The following MDGA2 variants were observed in gnomAD, a reference collection of about 807,000 sequenced individuals.
MDGA2 encodes the protein MAM domain containing glycosylphosphatidylinositol anchor 2.
MDGA2 carries 40 observed loss-of-function variants against 117.8 expected under a neutral mutation model. The observed-to-expected ratio is 0.34, with a 90% CI of 0.26 to 0.44. The LOEUF (loss-of-function observed/expected upper bound fraction) is 0.44, where lower values mean the gene tolerates loss of function less well. MDGA2 is among the 20% of genes least tolerant of loss of function. MDGA2 has a pLI of 1.00. For missense variants in MDGA2, 1,123 were observed against 1,250.6 expected (o/e 0.90, Z 1.54); for synonymous variants, 452 against 439.0 (o/e 1.03, Z -0.37).
At chr14:47,289,339 G>GCA (rs1888800679) in intron 2 of MDGA2, among the ~76,000 whole-genome samples, 15 of 68,196 alleles carry the variant, frequency 2.2e-4, no homozygotes, top group African/African-American at 3.9e-4. Flanking sequence ...ACACACACAC[G>GCA]CACACACTCT....
At chr14:47,529,148 G>T (rs1018240694) in intron 1 of MDGA2, among the ~76,000 whole-genome samples, 1 of 151,694 alleles carries the variant, frequency 6.6e-6, no homozygotes, top group Non-Finnish European at 1.5e-5. Flanking sequence ...ACAGATGCCC[G>T]CCACCACACC....
At chr14:46,907,132 A>G (rs749259893) in intron 10 of MDGA2, among the ~76,000 whole-genome samples, 11 of 151,716 alleles carry the variant, frequency 7.3e-5, no homozygotes, top group Non-Finnish European at 1.6e-4. Context: ...TCATGCCACC[A>G]TGCCTGGCTA....
intron 1 of MDGA2, among the ~76,000 whole-genome samples, chr14:47,469,751 C>T (rs1893682361): frequency 1.3e-5 from 2 of 152,088 alleles, no homozygotes; most frequent in Admixed American, 1.3e-4. Flanking sequence ...AATGGTTGAA[C>T]TAGTTTACAG....
intron 3 of MDGA2, among the ~76,000 whole-genome samples, chr14:47,175,456 C>T (rs1034239452): frequency 6.7e-6 from 1 of 148,918 alleles, no homozygotes; most frequent in Non-Finnish European, 1.5e-5. Flanking sequence ...CCACCATGAT[C>T]AAGTGGGCTT....
chr14:47,436,098 A>T (rs1288115554), intron 1 of MDGA2, among the ~76,000 whole-genome samples: 1 of 152,094 alleles, frequency 6.6e-6, no homozygotes, highest in African/African-American at 2.4e-5. Context: ...TAAAGTCCAT[A>T]GGTTATAGTT....
chr14:46,938,222 G>A (rs1014821197), intron 9 of MDGA2, among the ~76,000 whole-genome samples: 3 of 151,834 alleles, frequency 2.0e-5, no homozygotes, highest in African/African-American at 7.3e-5. Flanking sequence ...AATCATCAGG[G>A]AAATGCAAAT....
intron 1 of MDGA2, among the ~76,000 whole-genome samples, chr14:47,432,003 T>C (rs1438441404): frequency 6.6e-6 from 1 of 152,062 alleles, no homozygotes; most frequent in Non-Finnish European, 1.5e-5. Flanking sequence ...ATAGATAGCA[T>C]ATTATTTACA....
intron 1 of MDGA2, among the ~76,000 whole-genome samples, chr14:47,639,541 C>T (rs1353707505): frequency 6.6e-6 from 1 of 152,182 alleles, no homozygotes; most frequent in East Asian, 1.9e-4. Context: ...CAAAGCACTA[C>T]ACGTTGAATC....
intron 1 of MDGA2, among the ~76,000 whole-genome samples, chr14:47,519,600 C>T (rs1049411166): frequency 6.6e-6 from 1 of 152,080 alleles, no homozygotes; most frequent in Admixed American, 6.6e-5. Flanking sequence ...TAAATTCTCC[C>T]AAGTTTTTAT....
intron 8 of MDGA2, among the ~76,000 whole-genome samples, chr14:46,969,365 A>G (rs1595077627): frequency 6.6e-6 from 1 of 152,202 alleles, no homozygotes; most frequent in Non-Finnish European, 1.5e-5. Flanking sequence ...CAGTCCCACC[A>G]ACAGTGTAAA....
chr14:47,535,932 C>G (rs1046701462), intron 1 of MDGA2, among the ~76,000 whole-genome samples: 2 of 152,232 alleles, frequency 1.3e-5, no homozygotes, highest in Non-Finnish European at 2.9e-5. Flanking sequence ...GTCAGCTAGT[C>G]TTGCCTTCCA....
At position 46,910,926 on chromosome 14, in the gene MDGA2, A is replaced by T. The variant is rs574631275; in HGVS notation, c.2238+9086T>A. ...CCAAATACAGCATGTTCTCAGTTAT[A>T]ACTGGTAGCTAAATGATGTGAACAC... On this transcript the variant is annotated intron_variant, in intron 10 of 16. Coordinates refer to ENST00000399232, the MANE Select transcript of MDGA2 (RefSeq NM_001113498.3). Among the ~76,000 whole-genome samples the T allele has an allele frequency of 1.1e-4, 16 of 152,300 alleles. 1 individual carries two copies. The highest frequency in any genetic ancestry group is 3.6e-4 in the African/African-American group (15 of 41,570).
intron 1 of MDGA2, among the ~76,000 whole-genome samples, chr14:47,530,919 C>T (rs528939816): frequency 6.6e-6 from 1 of 152,252 alleles, no homozygotes; most frequent in African/African-American, 2.4e-5. Context: ...GTAATCTGCA[C>T]ACCTTTAAGT....
chr14:47,595,355 C>T (rs906438038), intron 1 of MDGA2, among the ~76,000 whole-genome samples: 1 of 151,514 alleles, frequency 6.6e-6, no homozygotes, highest in African/African-American at 2.4e-5. Context: ...GCCAATTTGG[C>T]GAAACCCCTT....
intron 1 of MDGA2, among the ~76,000 whole-genome samples, chr14:47,343,836 A>G (rs1423426045): frequency 6.6e-6 from 1 of 152,162 alleles, no homozygotes; most frequent in Non-Finnish European, 1.5e-5. Flanking sequence ...TAAAAAAAGA[A>G]AACAGTTAAG....
At chr14:47,149,685 A>T (rs1433334055) in intron 3 of MDGA2, among the ~76,000 whole-genome samples, 1 of 152,190 alleles carries the variant, frequency 6.6e-6, no homozygotes, top group Non-Finnish European at 1.5e-5. Context: ...TATTTAGTGG[A>T]GACCATTGCT....
At chr14:47,057,713 T>TTGCCCTGCCCTACCTTGCCC in intron 7 of MDGA2, among the ~76,000 whole-genome samples, 2 of 132,258 alleles carry the variant, frequency 1.5e-5, no homozygotes, top group South Asian at 5.5e-4. Context: ...TTGCCTTACC[T>TTGCCCTGCCCTACCTTGCCC]TGCCCTGCCC....
In MDGA2 at chr14:47,295,937, GATA is replaced by G. The variant is rs1296978957; in HGVS notation, c.420+5471_420+5473del. 6.5e-5 allele frequency among the ~76,000 whole-genome samples: 9 copies of G among 138,248 alleles called. No individual in the cohort carries two copies. The East Asian group carries it at 2.0e-3, about 31-fold the overall frequency. The allele number at this position is 138,248 out of a possible 152,430, so 90.7% of individuals were successfully genotyped here. On this transcript the variant is annotated intron_variant, in intron 2 of 16. Transcript: ENST00000399232. ...ACATATATAGATAGATGATAAGATA[GATA>G]GATAGATAGATAGATAGATAGATAG...
intron 9 of MDGA2, among the ~76,000 whole-genome samples, chr14:46,924,991 G>A (rs2138526010): frequency 2.0e-5 from 3 of 152,260 alleles, no homozygotes; most frequent in Middle Eastern, 6.8e-3. Flanking sequence ...AGAGAAGTTG[G>A]TAATGAGGCC....
Sources: allele counts gnomAD v4.1 joint callset (sites outside exome capture counted in the v4.1 genomes callset), GRCh38; gene constraint gnomAD v4.1.1; transcripts MANE v1.5; gene names NCBI Gene and HGNC (gene_info 2026-07-23, HGNC 2026-07-21).